The following ZNF407 variants were observed in gnomAD, a reference collection of about 807,000 sequenced individuals.
ZNF407 encodes the protein zinc finger protein 407.
ZNF407 carries 17 observed loss-of-function variants against 131.2 expected under a neutral mutation model. That is an observed-to-expected ratio of 0.13 (90% CI 0.09 to 0.19). The LOEUF (loss-of-function observed/expected upper bound fraction) is 0.19, where lower values mean the gene tolerates loss of function less well. ZNF407 is among the 10% of genes least tolerant of loss of function. ZNF407 has a pLI of 1.00. For synonymous variants in ZNF407, 1,156 were observed against 1,062.0 expected (o/e 1.09, Z -1.72); for missense variants, 2,681 against 2,830.6 (o/e 0.95, Z 1.20).
intron 8 of ZNF407, among the ~76,000 whole-genome samples, chr18:75,037,874 C>T (rs1012708635): frequency 6.6e-6 from 1 of 152,128 alleles, no homozygotes; most frequent in African/African-American, 2.4e-5. Flanking sequence ...GTGCTCATTG[C>T]TCTTCCCTGG....
intron 5 of ZNF407, among the ~76,000 whole-genome samples, chr18:74,880,718 T>C (rs1397572515): frequency 6.6e-6 from 1 of 152,184 alleles, no homozygotes; most frequent in Admixed American, 6.5e-5. Flanking sequence ...AATTGTAAAA[T>C]ATCAGGATAT....
In ZNF407 at chr18:74,657,588, G is replaced by A. The variant is rs372382273; in HGVS notation, c.4802+16466G>A. ...GCTCTCCTACCTCATTGATCTTTGC[G>A]ATGGTGTATGCTCAACTATACAGAT... On this transcript the variant is annotated intron_variant, in intron 3 of 8. Coordinates refer to ENST00000299687, the MANE Select transcript of ZNF407 (RefSeq NM_017757.3). Among the ~76,000 whole-genome samples the A allele has an allele frequency of 9.0e-4, 137 of 152,242 alleles. 2 individuals are homozygous for A. In the South Asian group the frequency reaches 0.017, roughly 19 times the overall value.
chr18:74,676,645 A>G (rs12968007), intron 3 of ZNF407, among the ~76,000 whole-genome samples: 4,550 of 151,836 alleles, frequency 0.03, 133 homozygotes, highest in East Asian at 0.11. Context: ...CGTGTTAGCC[A>G]GGATGGTCTC....
chr18:74,724,308 A>G (rs1283645816), intron 3 of ZNF407, among the ~76,000 whole-genome samples: 2 of 152,206 alleles, frequency 1.3e-5, no homozygotes, highest in African/African-American at 2.4e-5. Context: ...GTAAATCCCT[A>G]CTTGAAATAT....
At chr18:74,771,550 C>T (rs200889767) in intron 3 of ZNF407, among the ~76,000 whole-genome samples, 2 of 3,924 alleles carry the variant, frequency 5.1e-4, no homozygotes, top group Non-Finnish European at 5.0e-3. Context: ...TTAATAATTT[C>T]AGTTTTATAT....
At chr18:74,734,612 T>A (rs758804171) in intron 3 of ZNF407, among the ~76,000 whole-genome samples, 7 of 152,096 alleles carry the variant, frequency 4.6e-5, no homozygotes, top group Non-Finnish European at 1.0e-4. Flanking sequence ...TGTCCTCACC[T>A]GGCACATGAG....
At chr18:75,061,008 A>AT (rs1263455684) in intron 8 of ZNF407, among the ~76,000 whole-genome samples, 1 of 152,180 alleles carries the variant, frequency 6.6e-6, no homozygotes, top group African/African-American at 2.4e-5. Context: ...CCTGCCTGAG[A>AT]TGCACCCACT....
In ZNF407 at chr18:74,631,917, A is replaced by G. The variant is rs1481381899; in HGVS notation, c.898A>G (p.Asn300Asp). ...PKKSRTMATK[N>D]VHSKPRTSKS... Reference sequence around the variant, plus strand: ...AAAATCACGTACAATGGCAACAAAAAATGTTCACTCAAAACCAAGAACTTC... The same window carrying G: ...AAAATCACGTACAATGGCAACAAAAGATGTTCACTCAAAACCAAGAACTTC... The change falls in exon 2 of 9, where the codon AAT becomes GAT. Residue 300 changes from asparagine (N) to aspartate (D), a missense_variant. Transcript: ENST00000299687. The G allele has an allele frequency of 2.5e-6, 4 of 1,613,856 alleles. No homozygotes were observed. The South Asian group carries it at 4.4e-5, about 18-fold the overall frequency.
intron 7 of ZNF407, among the ~76,000 whole-genome samples, chr18:74,899,748 G>C (rs1971498386): frequency 6.6e-6 from 1 of 152,170 alleles, no homozygotes; most frequent in South Asian, 2.1e-4. Flanking sequence ...CAAAGAGTGG[G>C]CGGCGTGCCA....
At chr18:75,043,605 C>A (rs1368047128) in intron 8 of ZNF407, among the ~76,000 whole-genome samples, 1 of 152,212 alleles carries the variant, frequency 6.6e-6, no homozygotes, top group Non-Finnish European at 1.5e-5. Flanking sequence ...CCCATTTCTG[C>A]ATCTCTATTA....
At chr18:74,761,104 G>A (rs188882591) in intron 3 of ZNF407, among the ~76,000 whole-genome samples, 1 of 152,046 alleles carries the variant, frequency 6.6e-6, no homozygotes, top group Admixed American at 6.5e-5. Flanking sequence ...TTTATTTCTT[G>A]AAATACAAAC....
rs112598736 is a variant in ZNF407, at chr18:74,700,860, G to A, written c.4802+59738G>A. ...AGATTCATCTGTCAAACATTGGAGC[G>A]TATTTATTAGTATTCCGGTGGTACC... is the stretch of plus-strand genomic sequence containing the variant. On this transcript the variant is annotated intron_variant, in intron 3 of 8. Transcript: ENST00000299687. Among the ~76,000 whole-genome samples, 315 of 152,228 alleles carry A rather than the reference G, an allele frequency of 2.1e-3. 2 individuals carry two copies. Among genetic ancestry groups the A allele is most frequent in the African/African-American group, 7.1e-3 (296 of 41,534 alleles).
rs530448394 is a variant in ZNF407, at chr18:75,005,845, C to A, written c.5429-57305C>A. ...TGCTGCCCAGCTTATCGCACGAGAGCTCTTGCTGGTCATGTCTGGTCATCC... is the reference window on the plus strand; with the variant it reads ...TGCTGCCCAGCTTATCGCACGAGAGATCTTGCTGGTCATGTCTGGTCATCC... On this transcript the variant is annotated intron_variant, in intron 8 of 8. Transcript: ENST00000299687. Among the ~76,000 whole-genome samples, 9 of 152,068 alleles carry A rather than the reference C, an allele frequency of 5.9e-5. No homozygotes were observed. In the South Asian group the frequency reaches 1.7e-3, roughly 28 times the overall value.
At chr18:74,879,318 T>A (rs2896869) in intron 5 of ZNF407, among the ~76,000 whole-genome samples, 1 of 152,002 alleles carries the variant, frequency 6.6e-6, no homozygotes, top group South Asian at 2.1e-4. Context: ...TTGAATGATA[T>A]GGCACAAACA....
intron 1 of ZNF407, among the ~76,000 whole-genome samples, chr18:74,601,525 G>C (rs1207991126): frequency 6.6e-6 from 1 of 152,152 alleles, no homozygotes; most frequent in Non-Finnish European, 1.5e-5. Context: ...AGGTTTCACT[G>C]GCTCGCGGTT....
At chr18:75,005,195 T>C (rs1972894045) in intron 8 of ZNF407, among the ~76,000 whole-genome samples, 1 of 152,184 alleles carries the variant, frequency 6.6e-6, no homozygotes, top group African/African-American at 2.4e-5. Context: ...CGATGAGTTG[T>C]AGATGCACAG....
Position 75,063,795 on chromosome 18 carries a change from G to A in ZNF407, c.6074G>A (p.Gly2025Glu). 1 of 1,609,202 alleles carries A rather than the reference G, an allele frequency of 6.2e-7. No individual in the cohort carries two copies. The highest frequency in any genetic ancestry group is 8.5e-7 in the Non-Finnish European group (1 of 1,179,676). The change falls in exon 9 of 9, where the codon GGG becomes GAG. Residue 2025 changes from glycine to glutamate, a missense_variant. Around this residue, in one of 6 missense-constraint regions of ZNF407, gnomAD observed 620 missense variants for 583.1 expected, o/e 1.06. Coordinates refer to ENST00000299687, the MANE Select transcript of ZNF407 (RefSeq NM_017757.3). This position sits in a 1 kb window ranked among gnomAD's most constrained non-coding sequence, Gnocchi z 6.6. ...AAAGACGTGCTGATCCAGCTGCCCGGGCAGGAGGTCTCCCATGTGGCTGCC... is the reference window on the plus strand; with the variant it reads ...AAAGACGTGCTGATCCAGCTGCCCGAGCAGGAGGTCTCCCATGTGGCTGCC... ...GAKDVLIQLP[G>E]QEVSHVAADP...
chr18:74,620,988 C>T (rs1219417687), intron 1 of ZNF407, among the ~76,000 whole-genome samples: 11 of 152,196 alleles, frequency 7.2e-5, no homozygotes, highest in African/African-American at 2.4e-4. Context: ...TAAGTAGATT[C>T]TAGGGGTCTA....
At chr18:74,795,802 C>T (rs548409122) in intron 4 of ZNF407, among the ~76,000 whole-genome samples, 2 of 152,334 alleles carry the variant, frequency 1.3e-5, no homozygotes, top group African/African-American at 4.8e-5. Context: ...CCCCACATTT[C>T]GTAAATGACG....
Sources: allele counts gnomAD v4.1 joint callset (sites outside exome capture counted in the v4.1 genomes callset), GRCh38; gene constraint gnomAD v4.1.1; regional missense constraint gnomAD v4.1.1; non-coding constraint Gnocchi (gnomAD v3.1); transcripts MANE v1.5; gene names NCBI Gene and HGNC (gene_info 2026-07-23, HGNC 2026-07-21).